The following GNG7 variants were observed in gnomAD, a reference collection of about 807,000 sequenced individuals.
GNG7 encodes G protein subunit gamma 7, also known as guanine nucleotide-binding protein G(I)/G(S)/G(O) subunit gamma-7.
A neutral mutation model predicts 4.0 loss-of-function variants in GNG7; 1 was observed. The observed-to-expected ratio is 0.25, with a 90% CI of 0.09 to 1.18. The LOEUF is 1.18. Among genes scored for constraint, GNG7 ranks in the 50% most tolerant of loss-of-function variants. The pLI, the probability that GNG7 is intolerant of heterozygous loss-of-function variation, is 0.50. For synonymous variants in GNG7, 34 were observed against 36.9 expected (o/e 0.92, Z 0.29); for missense variants, 86 against 91.9 (o/e 0.94, Z 0.26).
chr19:2,552,483 C>T, intron 3 of GNG7, among the ~76,000 whole-genome samples: 1 of 152,092 alleles, frequency 6.6e-6, no homozygotes, highest in East Asian at 1.9e-4. Flanking sequence ...CTCCCGGGTT[C>T]AAGCGATTCT....
intron 1 of GNG7, among the ~76,000 whole-genome samples, chr19:2,700,270 T>G (rs1209843502): frequency 1.3e-5 from 2 of 152,064 alleles, no homozygotes; most frequent in African/African-American, 4.8e-5. Flanking sequence ...GCCTCCCAAG[T>G]AGCTGGGATT....
chr19:2,601,640 TGGTGG>T (rs1981201635), intron 2 of GNG7, among the ~76,000 whole-genome samples: 1 of 151,870 alleles, frequency 6.6e-6, no homozygotes, highest in South Asian at 2.1e-4. Flanking sequence ...AGGCCGGGCA[TGGTGG>T]CTCACGTCTG....
chr19:2,632,721 G>A (rs1982196504), intron 2 of GNG7: 1 of 152,212 alleles, frequency 6.6e-6, no homozygotes. Flanking sequence ...ACTGAGCTAT[G>A]ATCGCACCAC....
intron 2 of GNG7, among the ~76,000 whole-genome samples, chr19:2,573,107 C>T (rs1171120960): frequency 1.3e-5 from 2 of 150,018 alleles, no homozygotes; most frequent in African/African-American, 4.9e-5. Context: ...CTCACTGCAA[C>T]CTCCGTCTCC....
chr19:2,609,310 C>T lies in GNG7; in HGVS notation c.-78+36914G>A, dbSNP rs1981490718. ...GTGGAGCTGGGACTACAGGCACGTA[C>T]CACCCCACCCAGCTAATTTTTGTTT... is the stretch of plus-strand genomic sequence containing the variant. On this transcript the variant is annotated intron_variant, in intron 2 of 4. Coordinates refer to ENST00000382159, the MANE Select transcript of GNG7 (RefSeq NM_052847.3). The surrounding 1 kb of genome is among the most constrained non-coding windows in gnomAD (Gnocchi z 4.4). 6.6e-6 allele frequency among the ~76,000 whole-genome samples: 1 copy of T among 152,146 alleles called. No individual in the cohort carries two copies. The highest frequency in any genetic ancestry group is 6.6e-5 in the Admixed American group (1 of 15,262).
intron 3 of GNG7, among the ~76,000 whole-genome samples, chr19:2,544,446 G>A (rs552574739): frequency 1.3e-5 from 2 of 152,294 alleles, no homozygotes; most frequent in East Asian, 1.9e-4. Context: ...GTGCAGTGGC[G>A]CGATCTCGGC....
Position 2,633,229 on chromosome 19 carries a change from C to G in GNG7, c.-78+12995G>C, listed in dbSNP as rs773760540. 6.6e-6 allele frequency among the ~76,000 whole-genome samples: 1 copy of G among 152,174 alleles called. No homozygotes were observed. Among genetic ancestry groups the G allele is most frequent in the Non-Finnish European group, 1.5e-5 (1 of 68,022 alleles). ...CTGTCCTGGGCAATGGACTCTGACC[C>G]CTGCTGTAGAGGGTCAGAGAGGGTC... On this transcript the variant is annotated intron_variant, in intron 2 of 4. Transcript: ENST00000382159. This position sits in a 1 kb window ranked among gnomAD's most constrained non-coding sequence, Gnocchi z 5.9.
chr19:2,513,363 A>AG lies in GNG7; in HGVS notation c.*1658dup, dbSNP rs1044486648. On this transcript the variant is annotated 3_prime_UTR_variant, in exon 5 of 5. Transcript: ENST00000382159. ...ACTTGCTTCTAGGCCAGCCCCGTGGAGGGGGTCGGGGCGGCCAGGCCTCCT... is the reference window on the plus strand; with the variant it reads ...ACTTGCTTCTAGGCCAGCCCCGTGGAGGGGGGTCGGGGCGGCCAGGCCTCCT... The AG allele has an allele frequency of 2.1e-5, 9 of 418,650 alleles. No individual in the cohort carries two copies. The highest frequency in any genetic ancestry group is 2.9e-5 in the Non-Finnish European group (9 of 312,148). The allele number at this position is 418,650 out of a possible 1,614,324, so 25.9% of individuals were successfully genotyped here.
At chr19:2,660,860 G>A (rs1432125782) in intron 1 of GNG7, among the ~76,000 whole-genome samples, 1 of 152,160 alleles carries the variant, frequency 6.6e-6, no homozygotes, top group Non-Finnish European at 1.5e-5. Flanking sequence ...GGGGAAGCCA[G>A]CTGCCATGTT....
intron 2 of GNG7, among the ~76,000 whole-genome samples, chr19:2,594,405 G>A (rs200051880): frequency 2.5e-4 from 34 of 136,866 alleles, no homozygotes; most frequent in African/African-American, 5.4e-4. Context: ...GAAAGAAGGA[G>A]GGAAGGAAGG....
intron 1 of GNG7, among the ~76,000 whole-genome samples, chr19:2,682,949 C>A (rs1983778448): frequency 6.6e-6 from 1 of 151,914 alleles, no homozygotes; most frequent in Non-Finnish European, 1.5e-5. Flanking sequence ...ATAAGGACTC[C>A]CGGCAGGACA....
At chr19:2,580,236 G>A (rs1281724111) in intron 2 of GNG7, among the ~76,000 whole-genome samples, 1 of 151,520 alleles carries the variant, frequency 6.6e-6, no homozygotes, top group Non-Finnish European at 1.5e-5. Flanking sequence ...ATGCCTCTCT[G>A]TCTAAGGGGC....
chr19:2,655,219 A>C (rs1480954279), intron 1 of GNG7, among the ~76,000 whole-genome samples: 1 of 150,408 alleles, frequency 6.6e-6, no homozygotes, highest in East Asian at 1.9e-4. Context: ...CACACACACA[A>C]AAACAAAAAG....
At chr19:2,599,937 A>C (rs971812448) in intron 2 of GNG7, among the ~76,000 whole-genome samples, 4 of 140,716 alleles carry the variant, frequency 2.8e-5, no homozygotes, top group African/African-American at 1.1e-4. Flanking sequence ...ACTCCATCTC[A>C]AAAAAAAAAA....
chr19:2,638,053 G>A (rs1982363353), intron 2 of GNG7, among the ~76,000 whole-genome samples: 1 of 152,044 alleles, frequency 6.6e-6, no homozygotes, highest in Non-Finnish European at 1.5e-5. Context: ...GTGTGAGCAG[G>A]GACTGAAGTC....
intron 2 of GNG7, among the ~76,000 whole-genome samples, chr19:2,635,614 G>T (rs769205631): frequency 7.6e-5 from 11 of 144,810 alleles, no homozygotes; most frequent in Non-Finnish European, 1.3e-4. Context: ...ACGGAGTCTC[G>T]CTGTATTGCC....
intron 3 of GNG7, among the ~76,000 whole-genome samples, chr19:2,539,882 CTCCT>C (rs5826771): frequency 3.6e-5 from 4 of 112,646 alleles, no homozygotes; most frequent in African/African-American, 1.2e-4. Context: ...CTCTCTCCCT[CTCCT>C]TCCTTCCTTC....
intron 1 of GNG7, among the ~76,000 whole-genome samples, chr19:2,664,096 C>T (rs897007294): frequency 1.3e-5 from 2 of 152,202 alleles, no homozygotes; most frequent in Non-Finnish European, 2.9e-5. Flanking sequence ...GCCTATCCTC[C>T]ACCGCCCCCC....
At chr19:2,700,389 C>G (rs867203036) in intron 1 of GNG7, among the ~76,000 whole-genome samples, 3 of 152,124 alleles carry the variant, frequency 2.0e-5, no homozygotes, top group Non-Finnish European at 4.4e-5. Flanking sequence ...GTGATCCACC[C>G]GCCTCGGCCT....
Sources: gnomAD v4.1 joint callset for allele counts (sites outside exome capture counted in the v4.1 genomes callset) on GRCh38, gnomAD v4.1.1 for gene constraint, Gnocchi (gnomAD v3.1) non-coding constraint, MANE v1.5 for transcripts, NCBI Gene and HGNC (gene_info 2026-07-23, HGNC 2026-07-21) for gene names.